CNTN6: variants seen among roughly 807,000 people sequenced by gnomAD.
The protein encoded by CNTN6 is contactin-6.
In CNTN6, 137 loss-of-function variants were observed where a neutral mutation model predicts 122.8. The ratio of observed to expected loss-of-function variants is 1.12; its 90% CI spans 0.97 to 1.29. The LOEUF (loss-of-function observed/expected upper bound fraction) is 1.29, where lower values mean the gene tolerates loss of function less well. Among genes scored for constraint, CNTN6 ranks in the 50% most tolerant of loss-of-function variants. The pLI is 0.00. For synonymous variants in CNTN6, 570 were observed against 426.0 expected (o/e 1.34, Z -4.16); for missense variants, 1,634 against 1,223.4 (o/e 1.34, Z -5.01).
intron 4 of CNTN6, among the ~76,000 whole-genome samples, chr3:1,229,971 G>A (rs909000838): frequency 2.0e-5 from 3 of 152,180 alleles, no homozygotes; most frequent in African/African-American, 7.2e-5. Context: ...CATGGTGGTG[G>A]TGTCATGTCT....
chr3:1,298,053 T>C, intron 7 of CNTN6, 62 bp downstream of exon 7: 1 of 1,200,944 alleles, frequency 8.3e-7, no homozygotes, highest in East Asian at 2.4e-5. Flanking sequence ...ATTAAAAACC[T>C]TTTTGTTATT....
At chr3:1,153,735 G>A (rs1438576865) in intron 2 of CNTN6, among the ~76,000 whole-genome samples, 1 of 152,088 alleles carries the variant, frequency 6.6e-6, no homozygotes, top group African/African-American at 2.4e-5. Flanking sequence ...CAGAGCAAAC[G>A]AACTACCTGA....
chr3:1,279,725 A>G (rs1241276282), intron 5 of CNTN6, among the ~76,000 whole-genome samples: 2 of 152,226 alleles, frequency 1.3e-5, no homozygotes, highest in African/African-American at 4.8e-5. Flanking sequence ...AATTTAAGCA[A>G]TTTACTTTTA....
chr3:1,272,206 A>G (rs1290330835), intron 4 of CNTN6, among the ~76,000 whole-genome samples: 1 of 152,168 alleles, frequency 6.6e-6, no homozygotes, highest in Admixed American at 6.5e-5. Context: ...TTTCTTTATG[A>G]ATTATCCAGT....
intron 11 of CNTN6, among the ~76,000 whole-genome samples, chr3:1,336,651 G>T (rs941701939): frequency 5.9e-5 from 9 of 152,118 alleles, no homozygotes; most frequent in East Asian, 1.9e-4. Context: ...GTTAAAACCT[G>T]TGTGGCCCTG....
chr3:1,350,621 C>T (rs981953874), intron 11 of CNTN6, among the ~76,000 whole-genome samples: 1 of 151,660 alleles, frequency 6.6e-6, no homozygotes, highest in African/African-American at 2.4e-5. Context: ...ACTCAGGGTA[C>T]CACTGCACAC....
At chr3:1,117,391 T>G (rs2091767636) in intron 1 of CNTN6, among the ~76,000 whole-genome samples, 1 of 152,128 alleles carries the variant, frequency 6.6e-6, no homozygotes, top group African/African-American at 2.4e-5. Context: ...TTGATATGGC[T>G]GAATAATTAG....
At chr3:1,183,028 G>A (rs138191053) in intron 2 of CNTN6, among the ~76,000 whole-genome samples, 349 of 152,100 alleles carry the variant, frequency 2.3e-3, no homozygotes, top group African/African-American at 3.2e-3. Context: ...GCATAATTCC[G>A]CAGGCATGGC....
chr3:1,138,331 A>T (rs1331057938), intron 1 of CNTN6, among the ~76,000 whole-genome samples: 1 of 151,458 alleles, frequency 6.6e-6, no homozygotes. Context: ...CCAACTTCAC[A>T]CTATAGAATT....
chr3:1,393,436 T>G (rs1434665631), intron 20 of CNTN6, among the ~76,000 whole-genome samples: 4 of 135,638 alleles, frequency 2.9e-5, no homozygotes, highest in Non-Finnish European at 4.8e-5. Context: ...AGGGATAGCA[T>G]TGGGAGATAT....
intron 1 of CNTN6, among the ~76,000 whole-genome samples, chr3:1,097,056 T>C (rs2090566449): frequency 6.6e-6 from 1 of 152,232 alleles, no homozygotes; most frequent in Admixed American, 6.5e-5. Context: ...TTATTCTCAG[T>C]ATTCATATTG....
chr3:1,333,294 A>C (rs1407547844), intron 11 of CNTN6, among the ~76,000 whole-genome samples: 1 of 152,046 alleles, frequency 6.6e-6, no homozygotes, highest in Non-Finnish European at 1.5e-5. Context: ...CACTAGAGAT[A>C]ATGTATCCCA....
chr3:1,237,186 T>C (rs1005980378), intron 4 of CNTN6, among the ~76,000 whole-genome samples: 10 of 151,940 alleles, frequency 6.6e-5, no homozygotes, highest in African/African-American at 2.4e-4. Flanking sequence ...AAATAGATAG[T>C]ATAAATAAAA....
intron 2 of CNTN6, among the ~76,000 whole-genome samples, chr3:1,205,153 C>T (rs916204595): frequency 2.6e-5 from 4 of 151,996 alleles, no homozygotes; most frequent in African/African-American, 7.3e-5. Context: ...GTCCACAATC[C>T]GAGGAACGTG....
chr3:1,346,781 T>G (rs144909839), intron 11 of CNTN6, among the ~76,000 whole-genome samples: 1 of 152,266 alleles, frequency 6.6e-6, no homozygotes, highest in East Asian at 1.9e-4. Context: ...TGTAGTTCCT[T>G]AAAGTAACAC....
At chr3:1,127,516 T>G (rs1194437407) in intron 1 of CNTN6, among the ~76,000 whole-genome samples, 4 of 151,936 alleles carry the variant, frequency 2.6e-5, no homozygotes, top group Admixed American at 2.6e-4. Context: ...TGTATTCTTC[T>G]ATAACAATGA....
intron 4 of CNTN6, among the ~76,000 whole-genome samples, chr3:1,259,572 G>A (rs1667116579): frequency 6.6e-6 from 1 of 152,054 alleles, no homozygotes; most frequent in South Asian, 2.1e-4. Context: ...AAAACACAAA[G>A]GACTAAATAC....
In CNTN6 at chr3:1,125,630, C is replaced by T. The variant is rs1411076748; in HGVS notation, c.-82-22297C>T. Among the ~76,000 whole-genome samples the T allele has an allele frequency of 2.6e-5, 4 of 151,662 alleles. No homozygotes were observed. In the East Asian group the frequency reaches 7.8e-4, roughly 29 times the overall value. Reference sequence around the variant, plus strand: ...ACTAGTTCTTGCTTATTGCCCTTAACAAATATTAAAAAATAAGTCAGAGTG... The same window carrying T: ...ACTAGTTCTTGCTTATTGCCCTTAATAAATATTAAAAAATAAGTCAGAGTG... On this transcript the variant is annotated intron_variant, in intron 1 of 22. Transcript: ENST00000446702.
intron 4 of CNTN6, among the ~76,000 whole-genome samples, chr3:1,265,246 T>C (rs2094909519): frequency 6.6e-6 from 1 of 152,174 alleles, no homozygotes; most frequent in African/African-American, 2.4e-5. Context: ...GATCATGTGG[T>C]AATTCTATCA....
Sources: gnomAD v4.1 joint callset for allele counts (sites outside exome capture counted in the v4.1 genomes callset) on GRCh38, gnomAD v4.1.1 for gene constraint, MANE v1.5 for transcripts, NCBI Gene and HGNC (gene_info 2026-07-23, HGNC 2026-07-21) for gene names.